SFT2D2: variants seen among roughly 807,000 people sequenced by gnomAD.
SFT2D2 encodes the protein vesicle transport protein SFT2B.
Under a neutral mutation model 27.4 loss-of-function variants are expected in SFT2D2, and 21 were observed. The observed-to-expected ratio is 0.77, with a 90% CI of 0.54 to 1.10. The LOEUF is 1.10. Among genes scored for constraint, SFT2D2 ranks in the 50% least tolerant of loss-of-function variants. The probability of loss-of-function intolerance (pLI) is 0.00; values close to 1 mark genes in which losing one functional copy is unlikely to be tolerated. For missense variants in SFT2D2, 187 were observed against 194.2 expected (o/e 0.96, Z 0.22); for synonymous variants, 72 against 71.7 (o/e 1.00, Z -0.02).
intron 4 of SFT2D2, 82 bp from the exon 5 acceptor site, chr1:168,236,507 A>G (rs1016614789): frequency 4.3e-6 from 6 of 1,384,488 alleles, no homozygotes; most frequent in African/African-American, 2.9e-5. Flanking sequence ...AGTTTTGTGC[A>G]TTTGTGAAGA....
rs758577616 is a variant in SFT2D2 at position 168,250,078 on chromosome 1, G to A, written c.*7538G>A. 6.6e-6 allele frequency: 1 copy of A among 152,188 alleles called. No individual in the cohort carries two copies. The highest frequency in any genetic ancestry group is 6.5e-5 in the Admixed American group (1 of 15,274). 9.4% of individuals were successfully genotyped at this position (152,188 alleles called of 1,614,324 possible). On this transcript the variant is annotated 3_prime_UTR_variant, in exon 8 of 8. Coordinates refer to ENST00000271375, the MANE Select transcript of SFT2D2 (RefSeq NM_199344.3). ...CCCCACGAGTGGAGGCGTCAGGGAGGGGTTCTTGGCAGGAGATGGGTCTTG... is the reference window on the plus strand; with the variant it reads ...CCCCACGAGTGGAGGCGTCAGGGAGAGGTTCTTGGCAGGAGATGGGTCTTG...
At chr1:168,232,685 G>C (rs928946360) in intron 3 of SFT2D2, among the ~76,000 whole-genome samples, 15 of 152,160 alleles carry the variant, frequency 9.9e-5, no homozygotes, top group Admixed American at 5.2e-4. Context: ...GTGCTTCACT[G>C]ACTGACTTGC....
rs1000756823 is a variant in SFT2D2 at position 168,248,720 on chromosome 1, G to C, written c.*6180G>C. On this transcript the variant is annotated 3_prime_UTR_variant, in exon 8 of 8. Transcript: ENST00000271375. ...TCGGCTGTGAATCCATCTGGTCCTG[G>C]ACTTTTTATGGTTGGTAGGCTATTA... 1.3e-5 allele frequency: 2 copies of C among 152,162 alleles called. No individual in the cohort carries two copies. Among genetic ancestry groups the C allele is most frequent in the African/African-American group, 4.8e-5 (2 of 41,440 alleles). The allele number at this position is 152,162 out of a possible 1,614,324, so 9.4% of individuals were successfully genotyped here.
chr1:168,244,772 T>C lies in SFT2D2; in HGVS notation c.*2232T>C, dbSNP rs1339465714. On this transcript the variant is annotated 3_prime_UTR_variant, in exon 8 of 8. Transcript: ENST00000271375. ...CTTTTCTTTAGAACTGATACGAGGCTTGGCTAGTCACTGTGAGCTCCAGCA... is the reference window on the plus strand; with the variant it reads ...CTTTTCTTTAGAACTGATACGAGGCCTGGCTAGTCACTGTGAGCTCCAGCA... 1 of 152,142 alleles carries C rather than the reference T, an allele frequency of 6.6e-6. No individual in the cohort carries two copies. The highest frequency in any genetic ancestry group is 1.5e-5 in the Non-Finnish European group (1 of 68,044). The allele number at this position is 152,142 out of a possible 1,614,324, so 9.4% of individuals were successfully genotyped here. A position where few individuals can be genotyped will look rare whatever the true frequency, so the allele number is the denominator to read the frequency against.
chr1:168,237,274 C>A (rs944211812), intron 6 of SFT2D2, among the ~76,000 whole-genome samples: 2 of 152,130 alleles, frequency 1.3e-5, no homozygotes, highest in African/African-American at 2.4e-5. Context: ...AATGGAAAAA[C>A]GTGTGTCTGT....
At chr1:168,235,790 C>T (rs905436833) in intron 4 of SFT2D2, among the ~76,000 whole-genome samples, 2 of 152,194 alleles carry the variant, frequency 1.3e-5, no homozygotes, top group South Asian at 2.1e-4. Context: ...CAAAATCATT[C>T]CAGACCTACA....
At position 168,246,530 on chromosome 1, in the gene SFT2D2, A is replaced by G. The variant is rs1173080405; in HGVS notation, c.*3990A>G. 2 of 1,498,776 alleles carry G rather than the reference A, an allele frequency of 1.3e-6. No homozygotes were observed. Among genetic ancestry groups the G allele is most frequent in the Non-Finnish European group, 1.8e-6 (2 of 1,097,912 alleles). 92.8% of individuals were successfully genotyped at this position (1,498,776 alleles called of 1,614,324 possible). On this transcript the variant is annotated 3_prime_UTR_variant, in exon 8 of 8. Transcript: ENST00000271375. ...TGGAGCTCAGTTTTGAGGCACCTGG[A>G]CTTACTCTCAGCTTTAGAAAGTTGC...
chr1:168,231,681 C>A, intron 2 of SFT2D2, 81 bp downstream of exon 2: 1 of 1,506,112 alleles, frequency 6.6e-7, no homozygotes, highest in South Asian at 1.1e-5. Context: ...CTCCTTTCCC[C>A]TTTTGCCCTT....
chr1:168,241,263 AG>A lies in SFT2D2; in HGVS notation c.444-1237del, dbSNP rs1647637722. Among the ~76,000 whole-genome samples the A allele has an allele frequency of 4.0e-5, 5 of 125,430 alleles. No individual in the cohort carries two copies. The South Asian group carries it at 1.3e-3, about 32-fold the overall frequency. 82.3% of individuals were successfully genotyped at this position (125,430 alleles called of 152,430 possible). A position where few individuals can be genotyped will look rare whatever the true frequency, so the allele number is the denominator to read the frequency against. ...CACTCTATGGCCCAGGCTGGAGTGC[AG>A]TGGCCCGATGTCAGCTCACCTCAGT... On this transcript the variant is annotated intron_variant, in intron 7 of 7. Coordinates refer to ENST00000271375, the MANE Select transcript of SFT2D2 (RefSeq NM_199344.3).
chr1:168,229,286 C>A (rs1391764092), intron 1 of SFT2D2, among the ~76,000 whole-genome samples: 2 of 152,222 alleles, frequency 1.3e-5, no homozygotes, highest in African/African-American at 4.8e-5. Context: ...GTGGCTCGAT[C>A]TCGGCTCACT....
chr1:168,226,904 C>G (rs1700467054), intron 1 of SFT2D2, among the ~76,000 whole-genome samples: 1 of 152,150 alleles, frequency 6.6e-6, no homozygotes, highest in Admixed American at 6.5e-5. Flanking sequence ...ACTGCAGCCT[C>G]TGCCTCCTGG....
At chr1:168,226,800 GTTTGT>G (rs1700465565) in intron 1 of SFT2D2, among the ~76,000 whole-genome samples, 1 of 152,102 alleles carries the variant, frequency 6.6e-6, no homozygotes, top group Non-Finnish European at 1.5e-5. Context: ...CTGCGTGTTG[GTTTGT>G]TTTATTAGAA....
intron 3 of SFT2D2, among the ~76,000 whole-genome samples, chr1:168,234,872 C>A (rs1265837458): frequency 6.6e-6 from 1 of 152,136 alleles, no homozygotes; most frequent in East Asian, 1.9e-4. Context: ...AGTTGGGTGG[C>A]CTTGGATAAA....
intron 6 of SFT2D2, among the ~76,000 whole-genome samples, chr1:168,237,862 T>C (rs1558177269): frequency 2.7e-5 from 2 of 74,242 alleles, no homozygotes; most frequent in Non-Finnish European, 6.5e-5. Context: ...TGTGTGTATG[T>C]TTTTTTTTTT....
At chr1:168,241,283 C>T (rs1647638200) in intron 7 of SFT2D2, among the ~76,000 whole-genome samples, 1 of 144,192 alleles carries the variant, frequency 6.9e-6, no homozygotes, top group South Asian at 2.2e-4. Flanking sequence ...TGTCAGCTCA[C>T]CTCAGTCTCC....
At position 168,226,005 on chromosome 1, in the gene SFT2D2, C is replaced by A; in HGVS notation, c.-75C>A. 2 of 1,370,254 alleles carry A rather than the reference C, an allele frequency of 1.5e-6. No homozygotes were observed. 84.9% of individuals were successfully genotyped at this position (1,370,254 alleles called of 1,614,324 possible). Reference sequence around the variant, plus strand: ...TGGGCGGCTGGGCGGCTGCCTAGCACCCGGAAGAGCCGTCAACTTAGCGAG... The same window carrying A: ...TGGGCGGCTGGGCGGCTGCCTAGCAACCGGAAGAGCCGTCAACTTAGCGAG... On this transcript the variant is annotated 5_prime_UTR_variant, in exon 1 of 8. Transcript: ENST00000271375.
Position 168,226,027 on chromosome 1 carries a change from C to T in SFT2D2, c.-53C>T. 2 of 1,450,558 alleles carry T rather than the reference C, an allele frequency of 1.4e-6. No individual in the cohort carries two copies. The highest frequency in any genetic ancestry group is 2.4e-5 in the Admixed American group (1 of 40,974). The allele number at this position is 1,450,558 out of a possible 1,614,324, so 89.9% of individuals were successfully genotyped here. A position where few individuals can be genotyped will look rare whatever the true frequency, so the allele number is the denominator to read the frequency against. On this transcript the variant is annotated 5_prime_UTR_variant, in exon 1 of 8. Coordinates refer to ENST00000271375, the MANE Select transcript of SFT2D2 (RefSeq NM_199344.3). Reference sequence around the variant, plus strand: ...GCACCCGGAAGAGCCGTCAACTTAGCGAGCGCAACAGGCTGCCGCTGAGGA... The same window carrying T: ...GCACCCGGAAGAGCCGTCAACTTAGTGAGCGCAACAGGCTGCCGCTGAGGA...
Position 168,240,668 on chromosome 1 carries a change from C to A in SFT2D2, c.443+1508C>A, listed in dbSNP as rs1363387406. On this transcript the variant is annotated intron_variant, in intron 7 of 7. Coordinates refer to ENST00000271375, the MANE Select transcript of SFT2D2 (RefSeq NM_199344.3). Reference sequence around the variant, plus strand: ...GGTAGCTCAGCCTATAATCCCAGCACATTGGGAGGCTGAGGTGTGCGGATC... The same window carrying A: ...GGTAGCTCAGCCTATAATCCCAGCAAATTGGGAGGCTGAGGTGTGCGGATC... 6.6e-5 allele frequency among the ~76,000 whole-genome samples: 10 copies of A among 152,200 alleles called. No individual in the cohort carries two copies. In the East Asian group the frequency reaches 1.9e-3, roughly 29 times the overall value.
intron 7 of SFT2D2, among the ~76,000 whole-genome samples, chr1:168,242,170 A>G (rs1647663166): frequency 6.6e-6 from 1 of 152,138 alleles, no homozygotes; most frequent in Admixed American, 6.5e-5. Flanking sequence ...ATTTTGACCG[A>G]TATTAAAGTG....
Sources: allele counts gnomAD v4.1 joint callset (sites outside exome capture counted in the v4.1 genomes callset), GRCh38; gene constraint gnomAD v4.1.1; transcripts MANE v1.5; gene names NCBI Gene and HGNC (gene_info 2026-07-23, HGNC 2026-07-21).